Variants in ABI1 observed in about 807,000 individuals in gnomAD.
ABI1 encodes the protein Abelson interactor 1.
A neutral mutation model predicts 54.6 loss-of-function variants in ABI1; 14 were observed. The observed-to-expected ratio is 0.26, with a 90% CI of 0.17 to 0.40. ABI1 has a LOEUF of 0.40. Ranked by LOEUF, ABI1 falls within the 10% of genes least tolerant of loss-of-function variation. The pLI is 1.00. For synonymous variants in ABI1, 194 were observed against 209.3 expected, an observed-to-expected ratio of 0.93 and a Z score of 0.63; for missense variants, 443 against 598.3, an observed-to-expected ratio of 0.74 and a Z score of 2.71.
intron 2 of ABI1, among the ~76,000 whole-genome samples, chr10:26,818,052 G>A (rs563340909): frequency 9.3e-5 from 14 of 150,052 alleles, no homozygotes; most frequent in East Asian, 5.9e-4. Flanking sequence ...CCAGCTACCC[G>A]GGAGGCTGAG....
At chr10:26,804,243 C>T (rs1368306035) in intron 2 of ABI1, among the ~76,000 whole-genome samples, 1 of 151,836 alleles carries the variant, frequency 6.6e-6, no homozygotes, top group Non-Finnish European at 1.5e-5. Context: ...ATTAGCCAGT[C>T]GTCGTGGTGC....
intron 2 of ABI1, among the ~76,000 whole-genome samples, chr10:26,812,226 T>C (rs2047285912): frequency 6.6e-6 from 1 of 152,174 alleles, no homozygotes; most frequent in Non-Finnish European, 1.5e-5. Flanking sequence ...AACATCCACA[T>C]TCTCAGGGAT....
At position 26,806,378 on chromosome 10, in the gene ABI1, G is replaced by T. The variant is rs560047731; in HGVS notation, c.285+16760C>A. 8.5e-5 allele frequency among the ~76,000 whole-genome samples: 13 copies of T among 152,240 alleles called. No individual in the cohort carries two copies. The East Asian group carries it at 2.5e-3, about 29-fold the overall frequency. ...TTGGCAAAGTAAGTCAAGAAATAAG[G>T]TTTTTTTCCAAATTGATGCTCCAGT... On this transcript the variant is annotated intron_variant, in intron 2 of 10. Coordinates refer to ENST00000376140, the MANE Select transcript of ABI1 (RefSeq NM_001012750.3).
chr10:26,773,034 C>A (rs970281257), intron 3 of ABI1, among the ~76,000 whole-genome samples: 2 of 151,966 alleles, frequency 1.3e-5, no homozygotes, highest in African/African-American at 4.8e-5. Flanking sequence ...AGCTATTGCA[C>A]TTCAGTGAGA....
At chr10:26,818,025 G>A (rs1588969970) in intron 2 of ABI1, among the ~76,000 whole-genome samples, 1 of 151,358 alleles carries the variant, frequency 6.6e-6, no homozygotes, top group Non-Finnish European at 1.5e-5. Context: ...TGAGCATGGT[G>A]GCGCATGCCC....
chr10:26,777,115 G>A lies in ABI1; in HGVS notation c.412C>T (p.Arg138Trp), dbSNP rs561788174. Residue 138 changes from arginine (R) to tryptophan (W), a missense_variant, in exon 3 of 11, where the codon CGG becomes TGG. Physicochemically the swap from Arg to Trp is moderately radical, Grantham distance 101. This residue lies in a region of ABI1 where 394 missense variants were observed against 484.8 expected (regional missense o/e 0.81). Coordinates refer to ENST00000376140, the MANE Select transcript of ABI1 (RefSeq NM_001012750.3). ...ANMERPVRYI[R>W]KPIDYTVLDD... ...AGAACTGTGTAATCGATAGGTTTCCGAATATACCTTACAGGGCGCTCCATA... is the reference window on the plus strand; with the variant it reads ...AGAACTGTGTAATCGATAGGTTTCCAAATATACCTTACAGGGCGCTCCATA... 2.8e-5 allele frequency: 45 copies of A among 1,613,686 alleles called. No homozygotes were observed. Among genetic ancestry groups the A allele is most frequent in the Non-Finnish European group, 3.7e-5 (44 of 1,179,876 alleles).
intron 2 of ABI1, among the ~76,000 whole-genome samples, chr10:26,813,593 T>C (rs4747575): frequency 0.57 from 87,320 of 152,070 alleles, 27,266 homozygotes; most frequent in African/African-American, 0.83. Context: ...CTCCTGAAGT[T>C]CCCAAGATCC....
At chr10:26,762,433 C>T (rs74126840) in intron 7 of ABI1, among the ~76,000 whole-genome samples, 40 of 152,294 alleles carry the variant, frequency 2.6e-4, no homozygotes, top group African/African-American at 9.6e-4. Context: ...TTCTCAGATA[C>T]TGATTGTCTG....
chr10:26,797,566 G>C (rs1292213763), intron 2 of ABI1, among the ~76,000 whole-genome samples: 1 of 152,136 alleles, frequency 6.6e-6, no homozygotes, highest in Non-Finnish European at 1.5e-5. Flanking sequence ...TATGCCTTTA[G>C]CTCAAATGAG....
intron 8 of ABI1, among the ~76,000 whole-genome samples, chr10:26,756,427 G>C (rs576396695): frequency 4.7e-4 from 71 of 152,226 alleles, no homozygotes; most frequent in African/African-American, 1.7e-3. Context: ...ATCAGTCAGA[G>C]TTTCATGGGA....
intron 1 of ABI1, among the ~76,000 whole-genome samples, chr10:26,859,587 G>C (rs2051130634): frequency 6.6e-6 from 1 of 152,158 alleles, no homozygotes; most frequent in African/African-American, 2.4e-5. Context: ...CACAGTTAAA[G>C]ATCTTCAAAA....
chr10:26,847,110 T>C (rs1564579320), intron 1 of ABI1, among the ~76,000 whole-genome samples: 2 of 152,200 alleles, frequency 1.3e-5, no homozygotes, highest in Non-Finnish European at 2.9e-5. Flanking sequence ...GCAGAATAAC[T>C]GAGTATGTGA....
At position 26,815,033 on chromosome 10, in the gene ABI1, C is replaced by T. The variant is rs371517403; in HGVS notation, c.285+8105G>A. Among the ~76,000 whole-genome samples the T allele has an allele frequency of 2.0e-5, 3 of 152,060 alleles. No homozygotes were observed. In the East Asian group the frequency reaches 5.8e-4, roughly 29 times the overall value. ...TAAAGCAGAATTTTAACTAAAAACA[C>T]ACCACTCAACAGCCAAGGTATGACA... is the stretch of plus-strand genomic sequence containing the variant. On this transcript the variant is annotated intron_variant, in intron 2 of 10. Transcript: ENST00000376140.
Position 26,748,558 on chromosome 10 carries a change from G to GA in ABI1, c.*11dup, listed in dbSNP as rs113435131. 0.017 allele frequency: 19,221 copies of GA among 1,149,310 alleles called. 1 individual carries two copies. The highest frequency in any genetic ancestry group is 0.023 in the South Asian group (1,428 of 62,064). The allele number at this position is 1,149,310 out of a possible 1,614,324, so 71.2% of individuals were successfully genotyped here. ...TGAGTAATAAGAATCTACTTCAAAA[G>GA]AAAAAAAAAAATTAATCAGTATAGT... On this transcript the variant is annotated 3_prime_UTR_variant, in exon 11 of 11. Transcript: ENST00000376140.
chr10:26,761,661 T>TATATATATATACACACAC (rs1375832167), intron 7 of ABI1, among the ~76,000 whole-genome samples: 11 of 78,914 alleles, frequency 1.4e-4, no homozygotes, highest in East Asian at 9.2e-4. Flanking sequence ...TATATATATA[T>TATATATATATACACACAC]ACACACACAC....
chr10:26,835,480 T>C (rs891597956), intron 1 of ABI1, among the ~76,000 whole-genome samples: 2 of 151,734 alleles, frequency 1.3e-5, no homozygotes, highest in Non-Finnish European at 2.9e-5. Flanking sequence ...GAGGCTAAGA[T>C]GGAAGGATCA....
At chr10:26,786,476 T>A (rs1172023660) in intron 2 of ABI1, among the ~76,000 whole-genome samples, 2 of 151,992 alleles carry the variant, frequency 1.3e-5, no homozygotes, top group African/African-American at 4.8e-5. Flanking sequence ...CGCCTCGGCC[T>A]CCTAAAGTGC....
intron 1 of ABI1, among the ~76,000 whole-genome samples, chr10:26,842,271 T>C (rs1055138211): frequency 1.2e-4 from 18 of 152,244 alleles, no homozygotes; most frequent in African/African-American, 4.3e-4. Flanking sequence ...CATTTTCTAA[T>C]CAGATTATTT....
intron 2 of ABI1, among the ~76,000 whole-genome samples, chr10:26,793,812 T>C (rs1431234894): frequency 2.0e-5 from 3 of 152,224 alleles, no homozygotes; most frequent in African/African-American, 7.2e-5. Context: ...AACCTACTAC[T>C]TCTTACCTAA....
Sources: gnomAD v4.1 joint callset for allele counts (sites outside exome capture counted in the v4.1 genomes callset) on GRCh38, gnomAD v4.1.1 for gene constraint, gnomAD v4.1.1 regional missense constraint, MANE v1.5 for transcripts, NCBI Gene and HGNC (gene_info 2026-07-23, HGNC 2026-07-21) for gene names.